SLC24A2: variants seen among roughly 807,000 people sequenced by gnomAD.
SLC24A2 encodes solute carrier family 24 member 2.
SLC24A2 carries 36 observed loss-of-function variants against 62.0 expected under a neutral mutation model. That is an observed-to-expected ratio of 0.58 (90% CI 0.44 to 0.77). The LOEUF (loss-of-function observed/expected upper bound fraction) is 0.77. SLC24A2 is among the 30% of genes least tolerant of loss of function. The pLI, the probability that SLC24A2 is intolerant of heterozygous loss-of-function variation, is 0.00. For synonymous variants in SLC24A2, 358 were observed against 294.0 expected, an observed-to-expected ratio of 1.22 and a Z score of -2.23; for missense variants, 846 against 817.9, an observed-to-expected ratio of 1.03 and a Z score of -0.42.
the SLC24A2 span, among the ~76,000 whole-genome samples, chr9:20,107,576 G>C: frequency 2.2e-4 from 33 of 152,152 alleles, no homozygotes; most frequent in East Asian, 2.5e-3. Flanking sequence ...ACAAACCTGA[G>C]AAAAACAAGC....
chr9:20,004,924 G>A, the SLC24A2 span, among the ~76,000 whole-genome samples: 9 of 151,868 alleles, frequency 5.9e-5, no homozygotes, highest in African/African-American at 1.2e-4. Flanking sequence ...AAAAAAAGAA[G>A]CATCTGTTTT....
chr9:19,786,488 G>C lies in SLC24A2; in HGVS notation c.379C>G (p.Leu127Val). The C allele has an allele frequency of 6.2e-7, 1 of 1,614,130 alleles. No individual in the cohort carries two copies. The highest frequency in any genetic ancestry group is 8.5e-7 in the Non-Finnish European group (1 of 1,180,028). The change falls in exon 2 of 11, where the codon CTT becomes GTT. Residue 127 changes from leucine to valine, a missense_variant. Physicochemically the swap from Leu to Val is conservative, Grantham distance 32. Coordinates refer to ENST00000341998, the MANE Select transcript of SLC24A2 (RefSeq NM_020344.4). The surrounding 1 kb of genome is among the most constrained non-coding windows in gnomAD (Gnocchi z 5.0). Reference protein sequence around the residue: ...QGDYPKDIFSLEERRKGAIIL... With the variant: ...QGDYPKDIFSVEERRKGAIIL... Reference sequence around the variant, plus strand: ...ATCGCACCTTTTCTTCTCTCCTCAAGGGAAAAGATGTCTTTCGGGTAGTCT... The same window carrying C: ...ATCGCACCTTTTCTTCTCTCCTCAACGGAAAAGATGTCTTTCGGGTAGTCT...
chr9:19,582,259 G>T (rs1836231845), intron 5 of SLC24A2, among the ~76,000 whole-genome samples: 1 of 152,178 alleles, frequency 6.6e-6, no homozygotes, highest in Non-Finnish European at 1.5e-5. Flanking sequence ...ACAACGTTTG[G>T]AGGGTCTGTT....
chr9:19,733,498 C>G (rs1428716397), intron 2 of SLC24A2, among the ~76,000 whole-genome samples: 1 of 152,184 alleles, frequency 6.6e-6, no homozygotes, highest in East Asian at 1.9e-4. Context: ...GAGAACGCAG[C>G]TTGCTGCACC....
chr9:19,555,167 TAA>T (rs371772457), intron 7 of SLC24A2, among the ~76,000 whole-genome samples: 2 of 150,302 alleles, frequency 1.3e-5, no homozygotes, highest in African/African-American at 4.9e-5. Context: ...AGGGCACTCT[TAA>T]AAAAAAAATT....
At chr9:19,524,719 C>T (rs1833357202) in intron 9 of SLC24A2, among the ~76,000 whole-genome samples, 1 of 152,134 alleles carries the variant, frequency 6.6e-6, no homozygotes, top group Admixed American at 6.5e-5. Flanking sequence ...GTAAGGCTTC[C>T]ATTTATGGCT....
the SLC24A2 span, among the ~76,000 whole-genome samples, chr9:20,069,973 A>G: frequency 6.6e-6 from 1 of 152,218 alleles, no homozygotes; most frequent in African/African-American, 2.4e-5. Context: ...TACTGTCTAC[A>G]TTAACATGAC....
the SLC24A2 span, among the ~76,000 whole-genome samples, chr9:20,294,175 T>C: frequency 6.6e-6 from 1 of 152,094 alleles, no homozygotes; most frequent in African/African-American, 2.4e-5. Flanking sequence ...CCACACCCTG[T>C]AGTGCAGTAC....
At chr9:20,172,114 C>T in the SLC24A2 span, among the ~76,000 whole-genome samples, 2 of 152,066 alleles carry the variant, frequency 1.3e-5, no homozygotes, top group Non-Finnish European at 2.9e-5. Flanking sequence ...CCGGAATGAT[C>T]ACTGGGTCAA....
chr9:19,860,848 AC>A, the SLC24A2 span, among the ~76,000 whole-genome samples: 1 of 152,126 alleles, frequency 6.6e-6, no homozygotes, highest in Admixed American at 6.5e-5. Flanking sequence ...TGAAGGTGAG[AC>A]TTTTCTGCCT....
chr9:20,164,815 T>A, the SLC24A2 span, among the ~76,000 whole-genome samples: 10 of 151,728 alleles, frequency 6.6e-5, no homozygotes, highest in Middle Eastern at 3.4e-3. Flanking sequence ...TAAAAAATGA[T>A]GAGTTCATGT....
rs944210539 is a variant in SLC24A2, at chr9:19,511,676, T to G, written c.*4477A>C. The G allele has an allele frequency of 9.2e-5, 14 of 152,206 alleles. No homozygotes were observed. The highest frequency in any genetic ancestry group is 6.5e-5 in the Admixed American group (1 of 15,276). 9.4% of individuals were successfully genotyped at this position (152,206 alleles called of 1,614,324 possible). A position where few individuals can be genotyped will look rare whatever the true frequency, so the allele number is the denominator to read the frequency against. ...TTAAGCCGGATCGTTAAGGAATATG[T>G]GGCTTAGCAAGAGTGAGCACTGACT... On this transcript the variant is annotated 3_prime_UTR_variant, in exon 11 of 11. Transcript: ENST00000341998.
chr9:19,796,178 G>A, the SLC24A2 span, among the ~76,000 whole-genome samples: 1 of 150,602 alleles, frequency 6.6e-6, no homozygotes, highest in African/African-American at 2.4e-5. Context: ...GTTAAATGAC[G>A]AGTTAATGGG....
chr9:20,239,657 C>A, the SLC24A2 span, among the ~76,000 whole-genome samples: 2 of 152,142 alleles, frequency 1.3e-5, no homozygotes, highest in African/African-American at 4.8e-5. Context: ...ATAAAGAGAC[C>A]CAGGATCCAT....
chr9:19,610,848 G>A (rs1837139300), intron 4 of SLC24A2, among the ~76,000 whole-genome samples: 1 of 152,174 alleles, frequency 6.6e-6, no homozygotes, highest in African/African-American at 2.4e-5. Flanking sequence ...AATTATAAAG[G>A]CAAGTACTCA....
the SLC24A2 span, among the ~76,000 whole-genome samples, chr9:20,116,433 G>A: frequency 6.6e-6 from 1 of 152,084 alleles, no homozygotes; most frequent in Non-Finnish European, 1.5e-5. Flanking sequence ...ACAAGACCAG[G>A]TCCTATGTTT....
chr9:19,613,836 A>G (rs1817693500), intron 4 of SLC24A2, among the ~76,000 whole-genome samples: 1 of 152,180 alleles, frequency 6.6e-6, no homozygotes, highest in African/African-American at 2.4e-5. Flanking sequence ...TCAGGCAGAT[A>G]CAGGTTCAAA....
the SLC24A2 span, among the ~76,000 whole-genome samples, chr9:19,988,051 C>A: frequency 6.6e-6 from 1 of 152,150 alleles, no homozygotes; most frequent in African/African-American, 2.4e-5. Context: ...GGAAATAGTT[C>A]CTTATTCACA....
chr9:19,701,914 T>C (rs781551243), intron 2 of SLC24A2, among the ~76,000 whole-genome samples: 3 of 152,072 alleles, frequency 2.0e-5, no homozygotes, highest in Non-Finnish European at 2.9e-5. Context: ...TTGAGTCAAA[T>C]CATCTAATAC....
Sources: allele counts gnomAD v4.1 joint callset (sites outside exome capture counted in the v4.1 genomes callset), GRCh38; gene constraint gnomAD v4.1.1; non-coding constraint Gnocchi (gnomAD v3.1); transcripts MANE v1.5; gene names NCBI Gene and HGNC (gene_info 2026-07-23, HGNC 2026-07-21).